The following SIPA1L1 variants were observed in gnomAD, a reference collection of about 807,000 sequenced individuals.
SIPA1L1 encodes the protein signal-induced proliferation-associated 1-like protein 1.
SIPA1L1 carries 26 observed loss-of-function variants against 162.7 expected under a neutral mutation model. The ratio of observed to expected loss-of-function variants is 0.16; its 90% CI spans 0.12 to 0.22. The LOEUF (loss-of-function observed/expected upper bound fraction) is 0.22, where lower values mean the gene tolerates loss of function less well. Ranked by LOEUF, SIPA1L1 falls within the 10% of genes least tolerant of loss-of-function variation. The pLI is 1.00. For missense variants in SIPA1L1, 1,874 were observed against 2,241.0 expected, an observed-to-expected ratio of 0.84 and a Z score of 3.31; for synonymous variants, 829 against 837.4, an observed-to-expected ratio of 0.99 and a Z score of 0.17.
intron 2 of SIPA1L1, among the ~76,000 whole-genome samples, chr14:71,322,478 G>T (rs923856964): frequency 1.3e-5 from 2 of 152,256 alleles, no homozygotes; most frequent in East Asian, 1.9e-4. Context: ...TAAAAAAGAG[G>T]ATAATATGGA....
intron 3 of SIPA1L1, among the ~76,000 whole-genome samples, chr14:71,514,310 T>C (rs1453486726): frequency 1.3e-5 from 2 of 152,168 alleles, no homozygotes; most frequent in African/African-American, 2.4e-5. Context: ...CTGTTAGTGC[T>C]TGGAGGGGAG....
chr14:71,702,299 T>A (rs930900350), intron 14 of SIPA1L1, 82 bp from the exon 15 acceptor site: 7 of 1,472,280 alleles, frequency 4.8e-6, no homozygotes, highest in African/African-American at 4.2e-5. Flanking sequence ...TCATTAAAAT[T>A]TAGTTCATTA....
intron 14 of SIPA1L1, 94 bp downstream of exon 14, chr14:71,699,221 C>G: frequency 2.5e-6 from 3 of 1,210,204 alleles, no homozygotes; most frequent in Non-Finnish European, 3.6e-6. Context: ...ATTCAGCCAG[C>G]CTTGATCAAT....
chr14:71,634,212 C>T (rs2040880614), intron 7 of SIPA1L1, among the ~76,000 whole-genome samples: 2 of 151,466 alleles, frequency 1.3e-5, no homozygotes, highest in African/African-American at 4.9e-5. Context: ...ACCAGACTGC[C>T]CAACATGGCG....
intron 2 of SIPA1L1, among the ~76,000 whole-genome samples, chr14:71,486,393 A>G (rs1294065760): frequency 6.6e-6 from 1 of 152,224 alleles, no homozygotes; most frequent in East Asian, 1.9e-4. Flanking sequence ...CAGGAGCTCC[A>G]GCCTAGTTGT....
At chr14:71,354,118 G>A (rs1022247086) in intron 2 of SIPA1L1, among the ~76,000 whole-genome samples, 6 of 151,894 alleles carry the variant, frequency 4.0e-5, no homozygotes, top group Admixed American at 2.6e-4. Context: ...GAGAATCACT[G>A]ATTTGTGGTA....
rs140836614 is a variant in SIPA1L1, at chr14:71,671,227, G to A, written c.2364G>A (p.Val788=). 6.9e-5 allele frequency: 112 copies of A among 1,614,040 alleles called. 1 individual carries two copies. Among genetic ancestry groups the A allele is most frequent in the South Asian group, 3.7e-4 (34 of 91,084 alleles). The change falls in exon 11 of 24, where the codon GTG becomes GTA. Residue 788 remains valine (V), a synonymous_variant. Transcript: ENST00000381232. Reference sequence around the variant, plus strand: ...TCAGGGACTTCCTTTTGGCGAAAGTGATTAATGCAGAAAATGCTGCTCATA... The same window carrying A: ...TCAGGGACTTCCTTTTGGCGAAAGTAATTAATGCAGAAAATGCTGCTCATA... ...NVFRDFLLAK[V]INAENAAHKS...
At chr14:71,474,203 A>G (rs1448974136) in intron 2 of SIPA1L1, among the ~76,000 whole-genome samples, 1 of 152,274 alleles carries the variant, frequency 6.6e-6, no homozygotes, top group African/African-American at 2.4e-5. Flanking sequence ...TGAGCCGTAA[A>G]TAGTTGGCAG....
intron 2 of SIPA1L1, among the ~76,000 whole-genome samples, chr14:71,374,390 A>T (rs963168215): frequency 6.6e-6 from 1 of 152,008 alleles, no homozygotes; most frequent in Admixed American, 6.5e-5. Context: ...GAGAAATCGT[A>T]TTCAGTTAAA....
intron 4 of SIPA1L1, among the ~76,000 whole-genome samples, chr14:71,543,701 CTTTTTT>C (rs561910140): frequency 4.0e-5 from 5 of 126,450 alleles, no homozygotes. Flanking sequence ...TAACTTTTTT[CTTTTTT>C]TTTTTTTTGC....
At chr14:71,627,377 C>T (rs944321271) in intron 7 of SIPA1L1, among the ~76,000 whole-genome samples, 1 of 151,932 alleles carries the variant, frequency 6.6e-6, no homozygotes, top group African/African-American at 2.4e-5. Flanking sequence ...GAACTCCTGA[C>T]ATCAGGTGAT....
At chr14:71,698,840 G>T in intron 13 of SIPA1L1, 141 bp from the exon 14 acceptor site, 1 of 470,270 alleles carries the variant, frequency 2.1e-6, no homozygotes, top group South Asian at 3.8e-5. Flanking sequence ...AGTTTCTTTT[G>T]TAGGCTTCCA....
In SIPA1L1 at chr14:71,656,901, G is replaced by T. The variant is rs148763148; in HGVS notation, c.1994-1432G>T. Among the ~76,000 whole-genome samples, 317 of 152,332 alleles carry T rather than the reference G, an allele frequency of 2.1e-3. 2 individuals carry two copies. The highest frequency in any genetic ancestry group is 3.6e-3 in the Non-Finnish European group (246 of 68,016). ...CTATACCCACTGAGGAGTATTTTGGGGGGTGGGCCCTGGGAATCTGCCTCT... is the reference window on the plus strand; with the variant it reads ...CTATACCCACTGAGGAGTATTTTGGTGGGTGGGCCCTGGGAATCTGCCTCT... On this transcript the variant is annotated intron_variant, in intron 8 of 23. Transcript: ENST00000381232.
intron 12 of SIPA1L1, among the ~76,000 whole-genome samples, chr14:71,681,384 GTCAACCCTTTATTCT>G (rs2045795786): frequency 6.6e-6 from 1 of 152,154 alleles, no homozygotes; most frequent in Non-Finnish European, 1.5e-5. Flanking sequence ...GCATAGAGTG[GTCAACCCTTTATTCT>G]GTTGAGGGCC....
chr14:71,669,331 A>C (rs1460640820), intron 10 of SIPA1L1, among the ~76,000 whole-genome samples: 1 of 152,210 alleles, frequency 6.6e-6, no homozygotes, highest in Non-Finnish European at 1.5e-5. Flanking sequence ...AGTTAGTTTA[A>C]GGGGCAAGTA....
chr14:71,367,642 T>G (rs1446877671), intron 2 of SIPA1L1, among the ~76,000 whole-genome samples: 3 of 147,340 alleles, frequency 2.0e-5, no homozygotes, highest in Non-Finnish European at 1.5e-5. Context: ...GGTTTGCTCT[T>G]GTTTCTCAGG....
At chr14:71,497,003 C>G (rs1299264790) in intron 2 of SIPA1L1, among the ~76,000 whole-genome samples, 2 of 152,024 alleles carry the variant, frequency 1.3e-5, no homozygotes, top group Non-Finnish European at 2.9e-5. Flanking sequence ...AACCCCACCT[C>G]TACTAAAATA....
intron 2 of SIPA1L1, among the ~76,000 whole-genome samples, chr14:71,360,930 ACAT>A (rs1177606196): frequency 6.6e-6 from 1 of 152,194 alleles, no homozygotes; most frequent in Non-Finnish European, 1.5e-5. Context: ...GGGTAGTAAG[ACAT>A]CATATTTTGT....
intron 2 of SIPA1L1, among the ~76,000 whole-genome samples, chr14:71,469,315 A>C (rs777181526): frequency 6.6e-6 from 1 of 152,198 alleles, no homozygotes; most frequent in Non-Finnish European, 1.5e-5. Context: ...CTAGATCCAC[A>C]TGAAAACTCT....
Sources: allele counts gnomAD v4.1 joint callset (sites outside exome capture counted in the v4.1 genomes callset), GRCh38; gene constraint gnomAD v4.1.1; transcripts MANE v1.5; gene names NCBI Gene and HGNC (gene_info 2026-07-23, HGNC 2026-07-21).